Variants in MEF2C observed in about 807,000 individuals in gnomAD.
MEF2C encodes myocyte-specific enhancer factor 2C.
MEF2C carries 6 observed loss-of-function variants against 50.5 expected under a neutral mutation model. The ratio of observed to expected loss-of-function variants is 0.12; its 90% confidence interval spans 0.07 to 0.23. The LOEUF is 0.23. Among genes scored for constraint, MEF2C ranks in the 10% least tolerant of loss-of-function variants. The pLI, the probability that MEF2C is intolerant of heterozygous loss-of-function variation, is 1.00. For missense variants in MEF2C, 276 were observed against 605.0 expected (o/e 0.46, Z 5.70); for synonymous variants, 183 against 228.0 (o/e 0.80, Z 1.78).
At chr5:88,733,870 T>G in intron 6 of MEF2C, 1 of 985,364 alleles carries the variant, frequency 1.0e-6, no homozygotes, top group Non-Finnish European at 1.2e-6. Context: ...AATCTGAATA[T>G]CAATTCCCTT....
At chr5:88,791,210 A>G (rs752811586) in intron 3 of MEF2C, among the ~76,000 whole-genome samples, 1 of 152,168 alleles carries the variant, frequency 6.6e-6, no homozygotes, top group Non-Finnish European at 1.5e-5. Flanking sequence ...AAATTTGTAA[A>G]TATCATTAAA....
At chr5:88,884,370 A>T (rs1833790104), upstream of MEF2C, 1 of 152,258 alleles carries the variant, frequency 6.6e-6, no homozygotes, top group African/African-American at 2.4e-5. Context: ...ACTCGATTCC[A>T]GCGTGCTTTT....
At chr5:88,837,625 G>C (rs1246693974) in intron 1 of MEF2C, among the ~76,000 whole-genome samples, 1 of 151,900 alleles carries the variant, frequency 6.6e-6, no homozygotes, top group Non-Finnish European at 1.5e-5. Flanking sequence ...ATTCAATAAA[G>C]GAGGAAAACA....
chr5:88,842,311 C>A (rs1309003834), intron 1 of MEF2C, among the ~76,000 whole-genome samples: 1 of 151,838 alleles, frequency 6.6e-6, no homozygotes, highest in Non-Finnish European at 1.5e-5. Flanking sequence ...GAAAACTAAA[C>A]TAATTAATTA....
At chr5:88,871,204 C>A (rs952409253) in intron 1 of MEF2C, among the ~76,000 whole-genome samples, 1 of 151,240 alleles carries the variant, frequency 6.6e-6, no homozygotes, top group Admixed American at 6.6e-5. Context: ...CAGCTGCAGT[C>A]AAAAAAAATT....
At chr5:88,820,240 A>G (rs1036994487) in intron 2 of MEF2C, among the ~76,000 whole-genome samples, 1 of 151,988 alleles carries the variant, frequency 6.6e-6, no homozygotes, top group Non-Finnish European at 1.5e-5. Flanking sequence ...TAGTTTTTGT[A>G]AACTTGGAAA....
At chr5:88,823,371 AAGGTCT>A (rs1252882881) in intron 2 of MEF2C, among the ~76,000 whole-genome samples, 37 of 151,968 alleles carry the variant, frequency 2.4e-4, no homozygotes, top group Non-Finnish European at 3.8e-4. Flanking sequence ...ATGACCACAA[AAGGTCT>A]AGTTCCCATG....
At chr5:88,766,802 A>T in intron 3 of MEF2C, 3 of 985,436 alleles carry the variant, frequency 3.0e-6, no homozygotes, top group Non-Finnish European at 3.6e-6. Context: ...TATTACTATT[A>T]GTTGCATCAA....
chr5:88,874,695 T>A (rs556981576), intron 1 of MEF2C, among the ~76,000 whole-genome samples: 2 of 152,070 alleles, frequency 1.3e-5, no homozygotes, highest in East Asian at 3.9e-4. Context: ...CTTATCTATT[T>A]AAGTTTCAAG....
intron 1 of MEF2C, among the ~76,000 whole-genome samples, chr5:88,872,729 T>C (rs984754463): frequency 6.6e-6 from 1 of 152,036 alleles, no homozygotes; most frequent in Non-Finnish European, 1.5e-5. Flanking sequence ...TGGGTGATTT[T>C]ATAATTCCCA....
chr5:88,762,903 C>A (rs947123455), intron 3 of MEF2C, among the ~76,000 whole-genome samples: 1 of 152,084 alleles, frequency 6.6e-6, no homozygotes, highest in African/African-American at 2.4e-5. Flanking sequence ...TTAATTCATG[C>A]AATTGGGGAA....
rs530234997 is a variant in MEF2C, at chr5:88,741,499, T to C, written c.637+7571A>G. The C allele has an allele frequency of 9.1e-6, 9 of 985,414 alleles. No individual in the cohort carries two copies. The South Asian group carries it at 2.8e-4, about 31-fold the overall frequency. 61.0% of individuals were successfully genotyped at this position (985,414 alleles called of 1,614,324 possible). On this transcript the variant is annotated intron_variant, in intron 6 of 10. Transcript: ENST00000504921. ...CTGGAATCTTTTCCCAAACTACTCC[T>C]TGGGCAAAAATTTTGGTCCATGGTT...
intron 3 of MEF2C, among the ~76,000 whole-genome samples, chr5:88,766,133 C>G (rs1779931987): frequency 6.6e-6 from 1 of 152,092 alleles, no homozygotes; most frequent in South Asian, 2.1e-4. Context: ...ACATATGGAC[C>G]CTGCATTATT....
chr5:88,814,521 A>G (rs165945), intron 2 of MEF2C, among the ~76,000 whole-genome samples: 64,339 of 151,842 alleles, frequency 0.42, 15,574 homozygotes, highest in African/African-American at 0.66. Flanking sequence ...CCTCAAGCAA[A>G]TTGAGCCTCC....
intron 5 of MEF2C, chr5:88,749,350 T>TA (rs1364330730): frequency 2.0e-6 from 2 of 984,456 alleles, no homozygotes; most frequent in African/African-American, 3.5e-5. Context: ...AAGTTACATT[T>TA]AAAAAAATCC....
chr5:88,876,777 A>G (rs900284775), intron 1 of MEF2C, among the ~76,000 whole-genome samples: 1 of 152,006 alleles, frequency 6.6e-6, no homozygotes, highest in African/African-American at 2.4e-5. Context: ...TTCACATTCT[A>G]TCGAAGGACC....
At chr5:88,780,666 A>G (rs1257126650) in intron 3 of MEF2C, 2 of 750,816 alleles carry the variant, frequency 2.7e-6, no homozygotes, top group Non-Finnish European at 3.2e-6. Flanking sequence ...GCAATGCACA[A>G]CATATATATT....
At chr5:88,869,175 A>G (rs1039969206) in intron 1 of MEF2C, among the ~76,000 whole-genome samples, 4 of 150,180 alleles carry the variant, frequency 2.7e-5, no homozygotes, top group Admixed American at 1.3e-4. Flanking sequence ...ATGTGACAAT[A>G]TATCAGTTTC....
intron 4 of MEF2C, chr5:88,752,680 G>A (rs1773385323): frequency 8.1e-6 from 8 of 985,192 alleles, no homozygotes; most frequent in South Asian, 4.7e-5. Flanking sequence ...GGTGTGTACC[G>A]CCACTGACAA....
Sources: allele counts gnomAD v4.1 joint callset (sites outside exome capture counted in the v4.1 genomes callset), GRCh38; gene constraint gnomAD v4.1.1; transcripts MANE v1.5; gene names NCBI Gene and HGNC (gene_info 2026-07-23, HGNC 2026-07-21).